Variants in TFDP2 observed in about 807,000 individuals in gnomAD.
The protein encoded by TFDP2 is transcription factor Dp-2, also known as transcription factor Dp-2 (E2F dimerization partner 2).
TFDP2 carries 17 observed loss-of-function variants against 59.3 expected under a neutral mutation model. The ratio of observed to expected loss-of-function variants is 0.29; its 90% CI spans 0.20 to 0.43. TFDP2 has a LOEUF of 0.43. Ranked by LOEUF, TFDP2 falls within the 20% of genes least tolerant of loss-of-function variation. TFDP2 has a pLI of 1.00. For synonymous variants in TFDP2, 180 were observed against 194.7 expected (o/e 0.92, Z 0.63); for missense variants, 391 against 528.8 (o/e 0.74, Z 2.56).
At chr3:142,116,924 A>G (rs1482385972) in intron 1 of TFDP2, among the ~76,000 whole-genome samples, 2 of 150,680 alleles carry the variant, frequency 1.3e-5, no homozygotes, top group African/African-American at 4.8e-5. Context: ...GTCATCTGGA[A>G]AAGGATTTTT....
chr3:142,037,052 T>C (rs1451948051), intron 3 of TFDP2, among the ~76,000 whole-genome samples: 2 of 152,180 alleles, frequency 1.3e-5, no homozygotes, highest in Non-Finnish European at 2.9e-5. Flanking sequence ...ACATAAAATA[T>C]ATTAAATATC....
At chr3:142,051,060 T>C (rs1042101292) in intron 3 of TFDP2, among the ~76,000 whole-genome samples, 1 of 152,208 alleles carries the variant, frequency 6.6e-6, no homozygotes, top group African/African-American at 2.4e-5. Context: ...TTACACTATC[T>C]GGTTTTAAGG....
chr3:142,039,497 C>T (rs897898985), intron 3 of TFDP2, among the ~76,000 whole-genome samples: 3 of 152,100 alleles, frequency 2.0e-5, no homozygotes, highest in Admixed American at 6.6e-5. Context: ...AGTAAACCTC[C>T]CACCTCTCAC....
chr3:142,147,785 G>C (rs900333485), intron 1 of TFDP2, among the ~76,000 whole-genome samples: 2 of 152,094 alleles, frequency 1.3e-5, no homozygotes, highest in Admixed American at 1.3e-4. Context: ...AACACATCCA[G>C]AGCCAGTACA....
At chr3:142,026,072 G>A (rs1946061079) in intron 3 of TFDP2, among the ~76,000 whole-genome samples, 1 of 152,198 alleles carries the variant, frequency 6.6e-6, no homozygotes, top group Non-Finnish European at 1.5e-5. Flanking sequence ...AGCACTCTGG[G>A]AGGCCGAGGT....
chr3:141,987,656 G>A (rs755193036), intron 6 of TFDP2, among the ~76,000 whole-genome samples: 57 of 150,936 alleles, frequency 3.8e-4, no homozygotes, highest in Non-Finnish European at 6.8e-4. Flanking sequence ...GGCCGGGTGC[G>A]GTGGTTCATG....
chr3:142,041,871 T>G (rs1347911494), intron 3 of TFDP2, among the ~76,000 whole-genome samples: 1 of 152,230 alleles, frequency 6.6e-6, no homozygotes, highest in Non-Finnish European at 1.5e-5. Flanking sequence ...TTCATTTTTT[T>G]GCATACGGAC....
In TFDP2 at chr3:141,995,043, TG is replaced by T; in HGVS notation, c.284del (p.Ala95GlufsTer18). The T allele has an allele frequency of 6.2e-7, 1 of 1,604,372 alleles. No individual in the cohort carries two copies. The highest frequency in any genetic ancestry group is 1.1e-5 in the South Asian group (1 of 88,706). On this transcript the variant is annotated frameshift_variant, in exon 5 of 13. Coordinates refer to ENST00000489671, the MANE Select transcript of TFDP2 (RefSeq NM_001178139.2). LOFTEE classifies it high-confidence loss of function. ...APAMVTQTHI[A>X]EATGWVPGDR... is the part of the protein sequence containing the mutation. ...ACCCAGGGACCCAGCCAGTAGCTTC[TG>T]CTATGTGTGTCTGAGTAACCATTGC...
At chr3:141,994,070 T>C (rs761748663) in intron 5 of TFDP2, among the ~76,000 whole-genome samples, 2 of 152,252 alleles carry the variant, frequency 1.3e-5, no homozygotes, top group Non-Finnish European at 1.5e-5. Flanking sequence ...AAGGATTGAA[T>C]AACACCCATA....
At chr3:142,021,041 T>C (rs1354209579) in intron 3 of TFDP2, among the ~76,000 whole-genome samples, 1 of 152,096 alleles carries the variant, frequency 6.6e-6, no homozygotes, top group Admixed American at 6.6e-5. Context: ...TACCTGCACA[T>C]GCACATTACA....
chr3:142,078,742 C>T (rs1384628118), intron 3 of TFDP2, among the ~76,000 whole-genome samples: 1 of 152,088 alleles, frequency 6.6e-6, no homozygotes, highest in Non-Finnish European at 1.5e-5. Context: ...GTTCAGACAT[C>T]GATGAACATC....
At chr3:142,070,902 C>G (rs1267896934) in intron 3 of TFDP2, among the ~76,000 whole-genome samples, 1 of 152,022 alleles carries the variant, frequency 6.6e-6, no homozygotes, top group Non-Finnish European at 1.5e-5. Context: ...GAGAGGCTTA[C>G]AGGCCAGTGG....
intron 4 of TFDP2, chr3:142,000,490 T>C: frequency 2.2e-6 from 1 of 460,986 alleles, no homozygotes; most frequent in South Asian, 5.1e-5. Context: ...ACAGTAGGGA[T>C]TAGGTTTCAA....
At chr3:141,978,725 G>C (rs759427454) in intron 6 of TFDP2, 43 bp from the exon 7 acceptor site, 2 of 1,408,032 alleles carry the variant, frequency 1.4e-6, no homozygotes, top group Admixed American at 2.7e-5. Flanking sequence ...ATACATATTA[G>C]AGACTTTCTT....
intron 3 of TFDP2, among the ~76,000 whole-genome samples, chr3:142,018,593 C>T (rs777477312): frequency 2.3e-4 from 35 of 151,748 alleles, no homozygotes; most frequent in Non-Finnish European, 4.0e-4. Context: ...CTCCTCAGTA[C>T]GCCACCACAT....
rs555799643 is a variant in TFDP2, at chr3:141,988,076, GC to G, written c.356+5461del. 4.9e-3 allele frequency among the ~76,000 whole-genome samples: 750 copies of G among 152,104 alleles called. 5 individuals are homozygous for G. The highest frequency in any genetic ancestry group is 0.017 in the African/African-American group (715 of 41,468). ...TCCTCCTGCCTCAGCTTCCCAAATA[GC>G]TGGGACTACAGGAGTATACCACCAT... On this transcript the variant is annotated intron_variant, in intron 6 of 12. Transcript: ENST00000489671.
At chr3:141,973,123 A>ATATATTT in intron 8 of TFDP2, among the ~76,000 whole-genome samples, 2 of 58,028 alleles carry the variant, frequency 3.4e-5, no homozygotes, top group African/African-American at 1.3e-4. Context: ...ATATATATAT[A>ATATATTT]TTTTTTTTTT....
chr3:142,058,244 C>T (rs1435038331), intron 3 of TFDP2, among the ~76,000 whole-genome samples: 3 of 151,874 alleles, frequency 2.0e-5, no homozygotes, highest in African/African-American at 4.8e-5. Flanking sequence ...CACATAAAAT[C>T]TACACCATCT....
intron 9 of TFDP2, 39 bp from the exon 10 acceptor site, chr3:141,964,002 T>C: frequency 6.3e-7 from 1 of 1,575,122 alleles, no homozygotes; most frequent in East Asian, 2.2e-5. Context: ...CAATTGTGCA[T>C]AAGTGAGTTG....
Sources: gnomAD v4.1 joint callset for allele counts (sites outside exome capture counted in the v4.1 genomes callset) on GRCh38, gnomAD v4.1.1 for gene constraint, MANE v1.5 for transcripts, NCBI Gene and HGNC (gene_info 2026-07-23, HGNC 2026-07-21) for gene names.